The following SUMF1 variants were observed in gnomAD, a reference collection of about 807,000 sequenced individuals.
SUMF1 encodes sulfatase modifying factor 1.
A neutral mutation model predicts 47.6 loss-of-function variants in SUMF1; 48 were observed. That is an observed-to-expected ratio of 1.01 (90% CI 0.80 to 1.28). The LOEUF (loss-of-function observed/expected upper bound fraction) is 1.28, where lower values mean the gene tolerates loss of function less well. SUMF1 is among the 50% of genes most tolerant of loss of function. SUMF1 has a pLI of 0.00. For missense variants in SUMF1, 571 were observed against 485.4 expected (o/e 1.18, Z -1.66); for synonymous variants, 230 against 192.1 (o/e 1.20, Z -1.63).
rs527375257 is a variant in SUMF1, at chr3:4,424,658, T to A, written c.520-4512A>T. Reference sequence around the variant, plus strand: ...GAAAAAAGGAATACTATACGGCTAGTTATCAAAATACACTCTGACATGGAA... The same window carrying A: ...GAAAAAAGGAATACTATACGGCTAGATATCAAAATACACTCTGACATGGAA... On this transcript the variant is annotated intron_variant, in intron 3 of 8. Coordinates refer to ENST00000272902, the MANE Select transcript of SUMF1 (RefSeq NM_182760.4). Among the ~76,000 whole-genome samples, 4 of 152,314 alleles carry A rather than the reference T, an allele frequency of 2.6e-5. No individual in the cohort carries two copies. In the South Asian group the frequency reaches 8.3e-4, roughly 32 times the overall value.
At chr3:4,371,084 GT>G (rs1353559820) in intron 8 of SUMF1, among the ~76,000 whole-genome samples, 2 of 152,166 alleles carry the variant, frequency 1.3e-5, no homozygotes, top group Non-Finnish European at 2.9e-5. Context: ...TTATTAATAA[GT>G]CGTTTATTTT....
At chr3:4,063,322 C>A (rs1695305466) in intron 9 of SUMF1, among the ~76,000 whole-genome samples, 1 of 152,084 alleles carries the variant, frequency 6.6e-6, no homozygotes, top group Non-Finnish European at 1.5e-5. Context: ...TTCTGATAAG[C>A]TACTGCAGAA....
At chr3:4,049,809 C>T (rs1254626638) in intron 9 of SUMF1, among the ~76,000 whole-genome samples, 2 of 152,136 alleles carry the variant, frequency 1.3e-5, no homozygotes, top group Non-Finnish European at 2.9e-5. Context: ...TCTCGTCCAA[C>T]ATCCCAGAAG....
chr3:4,313,336 C>G (rs758612332), intron 8 of SUMF1: 17 of 1,613,982 alleles, frequency 1.1e-5, no homozygotes, highest in Admixed American at 5.0e-5. Flanking sequence ...CATCAGGGAA[C>G]ATGTTTATAA....
intron 8 of SUMF1, among the ~76,000 whole-genome samples, chr3:4,080,492 C>T (rs1244921168): frequency 6.6e-6 from 1 of 151,996 alleles, no homozygotes; most frequent in East Asian, 1.9e-4. Context: ...ATGCAATGTA[C>T]CTGGGAACCC....
chr3:4,246,780 C>T (rs1312455421), intron 8 of SUMF1, among the ~76,000 whole-genome samples: 2 of 152,054 alleles, frequency 1.3e-5, no homozygotes, highest in African/African-American at 4.8e-5. Flanking sequence ...GCAGCTCTAA[C>T]CAAGTTCCCT....
At chr3:4,132,521 G>A (rs1693816659) in intron 8 of SUMF1, among the ~76,000 whole-genome samples, 3 of 152,082 alleles carry the variant, frequency 2.0e-5, no homozygotes, top group Admixed American at 2.0e-4. Flanking sequence ...ATCGGTCCAG[G>A]TATCAAGGGG....
chr3:4,422,883 A>G (rs1701947077), intron 3 of SUMF1, among the ~76,000 whole-genome samples: 4 of 151,700 alleles, frequency 2.6e-5, no homozygotes, highest in Admixed American at 2.6e-4. Context: ...GATTTGTGAG[A>G]TTTTGGTGCA....
intron 8 of SUMF1, among the ~76,000 whole-genome samples, chr3:4,143,021 G>A (rs1348511213): frequency 2.0e-5 from 3 of 152,148 alleles, no homozygotes; most frequent in Admixed American, 1.3e-4. Context: ...CAAAGTTTGG[G>A]ACTCTCTGGA....
chr3:4,286,612 T>A lies in SUMF1; in HGVS notation c.1014+89718A>T, dbSNP rs550384049. On this transcript the variant is annotated intron_variant and NMD_transcript_variant, in intron 8 of 12. Transcript: ENST00000448413. ...GTCATGTTCTGTTAAAGCCCATGATTCCAAGAGAAAATGCAATCATTAATG... is the reference window on the plus strand; with the variant it reads ...GTCATGTTCTGTTAAAGCCCATGATACCAAGAGAAAATGCAATCATTAATG... 3.4e-4 allele frequency among the ~76,000 whole-genome samples: 51 copies of A among 152,208 alleles called. 1 individual carries two copies. Among genetic ancestry groups the A allele is most frequent in the Admixed American group, 2.2e-3 (34 of 15,276 alleles).
intron 8 of SUMF1, among the ~76,000 whole-genome samples, chr3:4,280,171 TC>T (rs1697498310): frequency 6.6e-6 from 1 of 152,196 alleles, no homozygotes; most frequent in African/African-American, 2.4e-5. Context: ...TGTATACATA[TC>T]TTAAAGCATC....
intron 8 of SUMF1, among the ~76,000 whole-genome samples, chr3:4,127,059 C>A (rs1275334363): frequency 6.6e-6 from 1 of 152,144 alleles, no homozygotes; most frequent in East Asian, 1.9e-4. Context: ...TTTAAGAGGT[C>A]TCTCACTGAC....
chr3:4,261,033 A>T (rs1257867828), intron 8 of SUMF1, among the ~76,000 whole-genome samples: 1 of 152,216 alleles, frequency 6.6e-6, no homozygotes, highest in East Asian at 1.9e-4. Context: ...TAGATGTGTG[A>T]TAAGTTGTTA....
At chr3:4,071,591 C>A (rs1030949656) in intron 8 of SUMF1, among the ~76,000 whole-genome samples, 17 of 152,294 alleles carry the variant, frequency 1.1e-4, no homozygotes, top group African/African-American at 3.8e-4. Flanking sequence ...GAGTCTGAGA[C>A]GACCTGGGAT....
chr3:4,104,759 C>T (rs1693119700), intron 8 of SUMF1, among the ~76,000 whole-genome samples: 1 of 151,782 alleles, frequency 6.6e-6, no homozygotes, highest in African/African-American at 2.4e-5. Context: ...TTCCTTTAAC[C>T]TTTCCAGGCC....
intron 9 of SUMF1, among the ~76,000 whole-genome samples, chr3:4,036,435 A>C (rs1436453341): frequency 6.6e-6 from 1 of 152,130 alleles, no homozygotes; most frequent in East Asian, 1.9e-4. Context: ...GTACTGCTGA[A>C]AATTTTCTGT....
intron 7 of SUMF1, among the ~76,000 whole-genome samples, chr3:4,406,633 C>T (rs1701385854): frequency 6.6e-6 from 1 of 152,174 alleles, no homozygotes; most frequent in East Asian, 1.9e-4. Flanking sequence ...GCACTCCATC[C>T]TGGGTGACAG....
intron 8 of SUMF1, among the ~76,000 whole-genome samples, chr3:4,186,661 GTATT>G (rs2125138318): frequency 6.6e-6 from 1 of 152,188 alleles, no homozygotes; most frequent in African/African-American, 2.4e-5. Flanking sequence ...TTCATAAGCA[GTATT>G]TATTATACCC....
intron 8 of SUMF1, among the ~76,000 whole-genome samples, chr3:4,277,795 G>C (rs6802506): frequency 0.43 from 64,573 of 151,790 alleles, 14,162 homozygotes; most frequent in African/African-American, 0.49. Context: ...GGCCAATAAC[G>C]AGGTCACCAC....
Sources: gnomAD v4.1 joint callset for allele counts (sites outside exome capture counted in the v4.1 genomes callset) on GRCh38, gnomAD v4.1.1 for gene constraint, MANE v1.5 for transcripts, NCBI Gene and HGNC (gene_info 2026-07-23, HGNC 2026-07-21) for gene names.